The following FLNB variants were observed in gnomAD, a reference collection of about 807,000 sequenced individuals.
FLNB encodes the protein filamin B.
In FLNB, 111 loss-of-function variants were observed where a neutral mutation model predicts 250.6. The ratio of observed to expected loss-of-function variants is 0.44; its 90% CI spans 0.38 to 0.52. The LOEUF (loss-of-function observed/expected upper bound fraction) is 0.52. FLNB is among the 20% of genes least tolerant of loss of function. The pLI is 0.00. For missense variants in FLNB, 2,869 were observed against 3,447.8 expected (o/e 0.83, Z 4.20); for synonymous variants, 1,302 against 1,372.1 (o/e 0.95, Z 1.13).
Position 58,123,673 on chromosome 3 carries a change from C to A in FLNB, c.3707C>A (p.Pro1236Gln), listed in dbSNP as rs1218001926. ...VDTSRIKVFG[P>Q]GIEGKDVFRE... Reference sequence around the variant, plus strand: ...ACCAGCAGGATCAAAGTCTTTGGACCAGGAATAGAAGGGAAAGGTGGGTTT... The same window carrying A: ...ACCAGCAGGATCAAAGTCTTTGGACAAGGAATAGAAGGGAAAGGTGGGTTT... The change falls in exon 21 of 46, where the codon CCA becomes CAA. Residue 1236 changes from proline to glutamine, a missense_variant. Transcript: ENST00000295956. 1.8e-5 allele frequency: 28 copies of A among 1,569,878 alleles called. No homozygotes were observed. Among genetic ancestry groups the A allele is most frequent in the Admixed American group, 3.5e-5 (2 of 57,434 alleles).
At chr3:58,131,954 G>A (rs1484288018) in intron 25 of FLNB, 25 of 1,537,118 alleles carry the variant, frequency 1.6e-5, no homozygotes, top group African/African-American at 2.7e-5. Flanking sequence ...CAGTCATGGC[G>A]CAGCCCCTTG....
chr3:58,137,425 T>G (rs1265399265), intron 28 of FLNB, among the ~76,000 whole-genome samples: 1 of 152,226 alleles, frequency 6.6e-6, no homozygotes, highest in African/African-American at 2.4e-5. Context: ...TCCCCCAGCT[T>G]GGGCAGAAGC....
chr3:58,100,779 A>G (rs2097249748), intron 8 of FLNB, among the ~76,000 whole-genome samples: 1 of 151,696 alleles, frequency 6.6e-6, no homozygotes, highest in Non-Finnish European at 1.5e-5. Context: ...TTGTACTTTT[A>G]GCAGACACAG....
At chr3:58,111,670 A>G in intron 16 of FLNB, 121 bp from the exon 17 acceptor site, 1 of 741,822 alleles carries the variant, frequency 1.3e-6, no homozygotes, top group Non-Finnish European at 2.4e-6. Flanking sequence ...CTGTGGTAAT[A>G]GAAGTCTGCT....
rs568609624 is a variant in FLNB at position 58,156,776 on chromosome 3, A to G, written c.6888+701A>G. ...CAGTGGCATGATCTCGGCTCACTGA[A>G]ACCTCTGCCTCCCAGGTTCAAGTGA... On this transcript the variant is annotated intron_variant, in intron 41 of 45. Coordinates refer to ENST00000295956, the MANE Select transcript of FLNB (RefSeq NM_001457.4). 6.4e-4 allele frequency among the ~76,000 whole-genome samples: 98 copies of G among 152,160 alleles called. 2 individuals carry two copies. The highest frequency in any genetic ancestry group is 4.8e-3 in the South Asian group (23 of 4,802).
intron 11 of FLNB, among the ~76,000 whole-genome samples, chr3:58,106,069 T>A (rs1249590439): frequency 6.6e-6 from 1 of 152,176 alleles, no homozygotes; most frequent in African/African-American, 2.4e-5. Flanking sequence ...TGCGTAAATA[T>A]AGGGTATGCC....
rs773943113 is a variant in FLNB, at chr3:58,104,063, G to T, written c.1588G>T (p.Gly530Trp). 290 of 1,613,864 alleles carry T rather than the reference G, an allele frequency of 1.8e-4. No individual in the cohort carries two copies. The highest frequency in any genetic ancestry group is 3.4e-4 in the Middle Eastern group (2 of 5,948). The change falls in exon 10 of 46, where the codon GGG (glycine) becomes TGG (tryptophan). Residue 530 changes from glycine to tryptophan, a missense_variant. Physicochemically the swap from Gly to Trp is radical, Grantham distance 184 (BLOSUM62 -2). Around this residue, in one of 5 missense-constraint regions of FLNB, gnomAD observed 1,348 missense variants for 1,466.7 expected, o/e 0.92. Coordinates refer to ENST00000295956, the MANE Select transcript of FLNB (RefSeq NM_001457.4). ...PGRYSIAITW[G>W]GHHIPKSPFE... ...GAGATACAGCATTGCCATCACATGG[G>T]GGGGACACCACATTCCAAAGAGGTG...
chr3:58,080,685 G>GGTTTCACCAT (rs1181435612), intron 3 of FLNB, among the ~76,000 whole-genome samples: 1 of 151,688 alleles, frequency 6.6e-6, no homozygotes. Context: ...GTAGAAATGG[G>GGTTTCACCAT]GTTTCACCAT....
intron 1 of FLNB, among the ~76,000 whole-genome samples, chr3:58,027,609 A>G (rs1006448355): frequency 6.6e-6 from 1 of 152,096 alleles, no homozygotes; most frequent in Non-Finnish European, 1.5e-5. Flanking sequence ...TCCTAGGTCT[A>G]CCTCTACCAT....
At chr3:58,037,692 C>T (rs1472222919) in intron 1 of FLNB, among the ~76,000 whole-genome samples, 2 of 152,216 alleles carry the variant, frequency 1.3e-5, no homozygotes, top group Non-Finnish European at 2.9e-5. Context: ...CTCCACCAGA[C>T]CAGCCTCTCT....
chr3:58,063,329 C>T (rs1450104576), intron 1 of FLNB, among the ~76,000 whole-genome samples: 4 of 152,164 alleles, frequency 2.6e-5, no homozygotes, highest in Admixed American at 2.0e-4. Context: ...GGAATTCCAC[C>T]CGTAAGAAGG....
chr3:58,008,610 A>G lies in FLNB; in HGVS notation c.46A>G (p.Lys16Glu). 1 of 1,612,794 alleles carries G rather than the reference A, an allele frequency of 6.2e-7. No individual in the cohort carries two copies. Among genetic ancestry groups the G allele is most frequent in the Non-Finnish European group, 8.5e-7 (1 of 1,179,612 alleles). The change falls in exon 1 of 46, where the codon AAG (lysine) becomes GAG (glutamate). Residue 16 changes from lysine to glutamate, a missense_variant. Physicochemically the swap from Lys to Glu is moderately conservative, Grantham distance 56. Coordinates refer to ENST00000295956, the MANE Select transcript of FLNB (RefSeq NM_001457.4). Reference sequence around the variant, plus strand: ...TCTAGCTGAGGACGCGCCTTGGAAGAAGATCCAGCAGAACACGTTCACACG... The same window carrying G: ...TCTAGCTGAGGACGCGCCTTGGAAGGAGATCCAGCAGAACACGTTCACACG... ...KDLAEDAPWK[K>E]IQQNTFTRWC...
rs1295302212 is a variant in FLNB, at chr3:58,126,752, C to G, written c.4212C>G (p.Ala1404=). Residue 1404 remains alanine (A), a synonymous_variant, in exon 24 of 46, where the codon GCC becomes GCG. Coordinates refer to ENST00000295956, the MANE Select transcript of FLNB (RefSeq NM_001457.4). ...DYDVNITYGG[A]HIPGSPFRVP... ...ATGTTAATATCACATATGGAGGAGC[C>G]CACATCCCCGGTGAGCTATTCCTCA... 1 of 1,613,608 alleles carries G rather than the reference C, an allele frequency of 6.2e-7. No homozygotes were observed. Among genetic ancestry groups the G allele is most frequent in the Admixed American group, 1.7e-5 (1 of 60,008 alleles).
chr3:58,104,568 T>C lies in FLNB; in HGVS notation c.1610+483T>C, dbSNP rs190243123. Among the ~76,000 whole-genome samples the C allele has an allele frequency of 1.9e-3, 287 of 152,278 alleles. 1 individual carries two copies. The highest frequency in any genetic ancestry group is 6.8e-3 in the Middle Eastern group (2 of 294). On this transcript the variant is annotated intron_variant, in intron 10 of 45. Transcript: ENST00000295956. ...CTGTGTTTTCCAGCTCCCCTGGAGG[T>C]GCAACTTTAAACTCCGAATAAATTC...
chr3:58,154,448 G>A (rs927585459), intron 39 of FLNB, among the ~76,000 whole-genome samples: 2 of 151,734 alleles, frequency 1.3e-5, no homozygotes, highest in African/African-American at 4.8e-5. Context: ...GGGAGGCTGA[G>A]ACAGGAGAAT....
intron 1 of FLNB, among the ~76,000 whole-genome samples, chr3:58,055,979 A>G (rs6770657): frequency 0.058 from 8,787 of 152,104 alleles, 814 homozygotes; most frequent in African/African-American, 0.2. Flanking sequence ...GACAGGAGAA[A>G]ATCTGATTTC....
chr3:58,025,014 CTTTTT>C (rs60873331), intron 1 of FLNB, among the ~76,000 whole-genome samples: 3 of 134,904 alleles, frequency 2.2e-5, no homozygotes, highest in Non-Finnish European at 3.1e-5. Context: ...CCCAGCCTTC[CTTTTT>C]TTTTTTTTTT....
At chr3:58,025,133 C>CTTT (rs57706596) in intron 1 of FLNB, among the ~76,000 whole-genome samples, 14,684 of 116,484 alleles carry the variant, frequency 0.13, 2,401 homozygotes, top group East Asian at 0.45. Context: ...TTCTTTCTTT[C>CTTT]TTTTTTTTTT....
intron 18 of FLNB, among the ~76,000 whole-genome samples, chr3:58,118,591 A>AT (rs2097283019): frequency 6.6e-6 from 1 of 152,212 alleles, no homozygotes; most frequent in East Asian, 1.9e-4. Context: ...TTGATCTTGA[A>AT]TTGAGGAAAT....
Sources: gnomAD v4.1 joint callset for allele counts (sites outside exome capture counted in the v4.1 genomes callset) on GRCh38, gnomAD v4.1.1 for gene constraint, gnomAD v4.1.1 regional missense constraint, MANE v1.5 for transcripts, NCBI Gene and HGNC (gene_info 2026-07-23, HGNC 2026-07-21) for gene names.